Variants in BLMH observed in about 807,000 individuals in gnomAD.
BLMH encodes the protein BLM hydrolase.
In BLMH, 32 loss-of-function variants were observed where a neutral mutation model predicts 61.6. The observed-to-expected ratio is 0.52, with a 90% confidence interval of 0.39 to 0.70. BLMH has a LOEUF of 0.70. BLMH is among the 30% of genes least tolerant of loss of function. The pLI, the probability that BLMH is intolerant of heterozygous loss-of-function variation, is 0.00. For missense variants in BLMH, 460 were observed against 555.5 expected, an observed-to-expected ratio of 0.83 and a Z score of 1.73; for synonymous variants, 183 against 193.8, an observed-to-expected ratio of 0.94 and a Z score of 0.46.
intron 2 of BLMH, 76 bp from the exon 3 acceptor site, chr17:30,289,558 T>A: frequency 1.1e-6 from 1 of 928,948 alleles, no homozygotes; most frequent in African/African-American, 1.7e-5. Context: ...TTCCCACCAA[T>A]GAACTCATGA....
chr17:30,258,182 T>C (rs891547482), intron 11 of BLMH, among the ~76,000 whole-genome samples: 1 of 151,258 alleles, frequency 6.6e-6, no homozygotes, highest in African/African-American at 2.4e-5. Context: ...TCTAAGTGCA[T>C]GTATTTAGAA....
chr17:30,278,739 G>A (rs111863068), intron 6 of BLMH, among the ~76,000 whole-genome samples: 12,803 of 152,136 alleles, frequency 0.084, 835 homozygotes, highest in African/African-American at 0.17. Context: ...GCACGATCTC[G>A]GCTCGCTGCA....
In BLMH at chr17:30,272,747, A is replaced by G. The variant is rs753508547; in HGVS notation, c.954T>C (p.Asp318=). 1.3e-5 allele frequency: 21 copies of G among 1,614,016 alleles called. No individual in the cohort carries two copies. In the Admixed American group the frequency reaches 2.3e-4, roughly 18 times the overall value. ...ATACAGAAACAATACCAACCTCTCC[A>G]TCTTTGATGGAGGCAGCAACCATCT... ...LKKMVAASIK[D]GEAVWFGCDV... is the part of the protein sequence containing the mutation. Residue 318 remains aspartate (D), a synonymous_variant, in exon 8 of 12, where the codon GAT becomes GAC. Coordinates refer to ENST00000261714, the MANE Select transcript of BLMH (RefSeq NM_000386.4).
Position 30,291,853 on chromosome 17 carries a change from T to C in BLMH, c.-34A>G, listed in dbSNP as rs1161406983. The C allele has an allele frequency of 2.2e-6, 3 of 1,336,118 alleles. No individual in the cohort carries two copies. The African/African-American group carries it at 4.6e-5, about 20-fold the overall frequency. The allele number at this position is 1,336,118 out of a possible 1,614,324, so 82.8% of individuals were successfully genotyped here. On this transcript the variant is annotated 5_prime_UTR_variant, in exon 1 of 12. Transcript: ENST00000261714. ...CGCTGCCCGGCGGGGTAACGGTAGC[T>C]TCCAGGGTCCTTGGGCGAGCGCCGG...
At chr17:30,272,002 A>G (rs1036929444) in intron 9 of BLMH, among the ~76,000 whole-genome samples, 12 of 152,202 alleles carry the variant, frequency 7.9e-5, no homozygotes, top group African/African-American at 2.9e-4. Flanking sequence ...TTCTCTATCA[A>G]GATATTTACT....
chr17:30,252,727 C>T (rs1907706175), intron 11 of BLMH, among the ~76,000 whole-genome samples: 1 of 152,004 alleles, frequency 6.6e-6, no homozygotes, highest in Non-Finnish European at 1.5e-5. Context: ...AAGGAATGCA[C>T]TCTTGTCTCC....
chr17:30,280,221 GC>G (rs1908550754), intron 6 of BLMH, among the ~76,000 whole-genome samples: 1 of 152,160 alleles, frequency 6.6e-6, no homozygotes, highest in Non-Finnish European at 1.5e-5. Context: ...ACTTCTCATT[GC>G]CTATTGAATT....
chr17:30,276,675 C>T (rs1432172054), intron 6 of BLMH, among the ~76,000 whole-genome samples: 1 of 152,214 alleles, frequency 6.6e-6, no homozygotes, highest in Admixed American at 6.5e-5. Flanking sequence ...CATAACAAAT[C>T]CAAACTCCGT....
At chr17:30,266,995 T>G (rs937023673) in intron 10 of BLMH, 41 bp from the exon 11 acceptor site, 1 of 1,583,536 alleles carries the variant, frequency 6.3e-7, no homozygotes, top group Non-Finnish European at 8.7e-7. Flanking sequence ...TGAAGCCAGA[T>G]TCTCCCTGCT....
rs750970618 is a variant in BLMH at position 30,286,827 on chromosome 17, A to G, written c.539T>C (p.Ile180Thr). 17 of 1,586,120 alleles carry G rather than the reference A, an allele frequency of 1.1e-5. No homozygotes were observed. Among genetic ancestry groups the G allele is most frequent in the East Asian group, 2.2e-5 (1 of 44,720 alleles). Residue 180 changes from isoleucine (I) to threonine (T), a missense_variant, in exon 5 of 12, where the codon ATT becomes ACT. Around this residue, in one of 5 missense-constraint regions of BLMH, gnomAD observed 310 missense variants for 371.1 expected, o/e 0.84. Transcript: ENST00000261714. ...CATATATTGTACCTTGTGATTCAGA[A>G]TATCATTCATCCTTCTGGTTGCCTC... ...TTEATRRMNDILNHKMREFCI... is the reference protein window; with the variant it reads ...TTEATRRMNDTLNHKMREFCI...
In BLMH at chr17:30,291,441, G is replaced by A. The variant is rs140867251; in HGVS notation, c.81C>T (p.Ala27=). ...GGTCGTGGGTGGTCCCGACATTCTG[G>A]GCAAGTACGAACTGGGGGTCGGAAT... is the stretch of plus-strand genomic sequence containing the variant. ...KLNSDPQFVL[A]QNVGTTHDLL... Residue 27 remains alanine, a synonymous_variant, in exon 2 of 12, where the codon GCC becomes GCT. Transcript: ENST00000261714. The A allele has an allele frequency of 6.2e-7, 1 of 1,614,198 alleles. No homozygotes were observed. Among genetic ancestry groups the A allele is most frequent in the Non-Finnish European group, 8.5e-7 (1 of 1,180,040 alleles).
At chr17:30,290,243 A>G (rs1908847522) in intron 2 of BLMH, among the ~76,000 whole-genome samples, 1 of 152,230 alleles carries the variant, frequency 6.6e-6, no homozygotes, top group Admixed American at 6.5e-5. Flanking sequence ...GCATGAAAAT[A>G]AACTACACAA....
intron 2 of BLMH, 65 bp from the exon 3 acceptor site, chr17:30,289,547 T>G: frequency 9.2e-7 from 1 of 1,081,544 alleles, no homozygotes; most frequent in Admixed American, 2.5e-5. Context: ...TCCAACTGTA[T>G]TTCCCACCAA....
chr17:30,285,058 C>G (rs936566334), intron 6 of BLMH, among the ~76,000 whole-genome samples: 1 of 152,118 alleles, frequency 6.6e-6, no homozygotes, highest in Non-Finnish European at 1.5e-5. Context: ...TTCTTTTTCC[C>G]AAGAGACTGA....
intron 9 of BLMH, 42 bp downstream of exon 9, chr17:30,272,519 C>A (rs1474014338): frequency 8.1e-6 from 13 of 1,608,564 alleles, no homozygotes; most frequent in Middle Eastern, 1.7e-4. Flanking sequence ...CCAACAGCAA[C>A]AACCCACAAA....
At chr17:30,272,434 A>G in intron 9 of BLMH, 127 bp downstream of exon 9, 1 of 1,011,390 alleles carries the variant, frequency 9.9e-7, no homozygotes, top group Non-Finnish European at 1.5e-6. Flanking sequence ...GGATGCAAAG[A>G]AAGAGACGCG....
intron 11 of BLMH, among the ~76,000 whole-genome samples, chr17:30,258,746 T>C (rs961938465): frequency 1.3e-5 from 2 of 152,186 alleles, no homozygotes; most frequent in African/African-American, 4.8e-5. Flanking sequence ...AGCACAAATT[T>C]AGATGCCATC....
At chr17:30,288,964 C>CA (rs1019781153) in intron 3 of BLMH, among the ~76,000 whole-genome samples, 5 of 151,212 alleles carry the variant, frequency 3.3e-5, no homozygotes, top group African/African-American at 1.2e-4. Flanking sequence ...GAGACTGTCT[C>CA]AAAAAAATAA....
chr17:30,283,093 T>C (rs780957389), intron 6 of BLMH, among the ~76,000 whole-genome samples: 2 of 152,144 alleles, frequency 1.3e-5, no homozygotes, highest in Non-Finnish European at 2.9e-5. Context: ...GCCCAGGAGT[T>C]GAAAGTTACA....
Sources: gnomAD v4.1 joint callset for allele counts (sites outside exome capture counted in the v4.1 genomes callset) on GRCh38, gnomAD v4.1.1 for gene constraint, gnomAD v4.1.1 regional missense constraint, MANE v1.5 for transcripts, NCBI Gene and HGNC (gene_info 2026-07-23, HGNC 2026-07-21) for gene names.